The following ZNF438 variants were observed in gnomAD, a reference collection of about 807,000 sequenced individuals.
ZNF438 encodes the protein zinc finger protein 438.
In ZNF438, 25 loss-of-function variants were observed where a neutral mutation model predicts 38.0. The observed-to-expected ratio is 0.66, with a 90% CI of 0.48 to 0.92. The LOEUF (loss-of-function observed/expected upper bound fraction) is 0.92, where lower values mean the gene tolerates loss of function less well. Ranked by LOEUF, ZNF438 falls within the 40% of genes least tolerant of loss-of-function variation. The probability of loss-of-function intolerance (pLI) is 0.00; values close to 1 mark genes in which losing one functional copy is unlikely to be tolerated. For missense variants in ZNF438, 1,007 were observed against 999.6 expected, an observed-to-expected ratio of 1.01 and a Z score of -0.10; for synonymous variants, 372 against 364.1, an observed-to-expected ratio of 1.02 and a Z score of -0.25.
chr10:30,916,621 T>C (rs2043667397), intron 2 of ZNF438, among the ~76,000 whole-genome samples: 1 of 152,072 alleles, frequency 6.6e-6, no homozygotes, highest in Admixed American at 6.6e-5. Context: ...GTTATATTGG[T>C]TGGAATCATA....
In ZNF438 at chr10:30,983,048, T is replaced by C. The variant is rs144111576; in HGVS notation, c.-191-41397A>G. ...AACCCCAAACCACTGAGTCACATTA[T>C]TGGACTTTTTTCTCTAAACAATACA... On this transcript the variant is annotated intron_variant, in intron 1 of 5. Coordinates refer to ENST00000413025, the Ensembl canonical transcript of ZNF438. Among the ~76,000 whole-genome samples the C allele has an allele frequency of 2.1e-3, 323 of 152,286 alleles. 1 individual carries two copies. The highest frequency in any genetic ancestry group is 7.0e-3 in the African/African-American group (291 of 41,562).
intron 1 of ZNF438, among the ~76,000 whole-genome samples, chr10:30,952,459 C>T (rs1302888397): frequency 1.3e-5 from 2 of 151,988 alleles, no homozygotes; most frequent in African/African-American, 2.4e-5. Flanking sequence ...TCAGAGTGAA[C>T]AGGCAACCTA....
intron 1 of ZNF438, among the ~76,000 whole-genome samples, chr10:31,027,116 T>C (rs920518558): frequency 8.6e-5 from 13 of 151,102 alleles, no homozygotes; most frequent in African/African-American, 3.2e-4. Context: ...GGGGAAGGGA[T>C]AGCATTAGGA....
chr10:30,953,123 A>G (rs999650608), intron 1 of ZNF438, among the ~76,000 whole-genome samples: 20 of 142,386 alleles, frequency 1.4e-4, no homozygotes, highest in Non-Finnish European at 2.6e-4. Context: ...GAAATTGGAA[A>G]TCATCATTCT....
At chr10:30,911,154 C>CA (rs1286877064) in intron 2 of ZNF438, among the ~76,000 whole-genome samples, 1 of 151,854 alleles carries the variant, frequency 6.6e-6, no homozygotes, top group African/African-American at 2.4e-5. Context: ...GTAAGGTTTA[C>CA]AAAAAAATAT....
At chr10:31,028,185 C>G (rs1399092496) in intron 1 of ZNF438, among the ~76,000 whole-genome samples, 1 of 151,858 alleles carries the variant, frequency 6.6e-6, no homozygotes, top group African/African-American at 2.4e-5. Context: ...AGCAAAGAAA[C>G]TCAAACTTAT....
At chr10:31,023,737 T>C (rs151178286) in intron 1 of ZNF438, among the ~76,000 whole-genome samples, 1 of 152,338 alleles carries the variant, frequency 6.6e-6, no homozygotes, top group African/African-American at 2.4e-5. Flanking sequence ...ACTCAACCTT[T>C]CCACTTAAGC....
intron 1 of ZNF438, among the ~76,000 whole-genome samples, chr10:31,030,863 T>A (rs1256163901): frequency 6.6e-6 from 1 of 152,196 alleles, no homozygotes; most frequent in Non-Finnish European, 1.5e-5. Context: ...ATTCAAGCAG[T>A]CAGATACGAT....
chr10:30,903,027 C>CT (rs1351272400), intron 3 of ZNF438, among the ~76,000 whole-genome samples: 127 of 152,318 alleles, frequency 8.3e-4, no homozygotes, highest in African/African-American at 2.9e-3. Context: ...CCCTCCGCAG[C>CT]TGCTGGCCCA....
At chr10:31,010,593 A>C (rs576152189) in intron 1 of ZNF438, among the ~76,000 whole-genome samples, 1 of 152,294 alleles carries the variant, frequency 6.6e-6, no homozygotes, top group South Asian at 2.1e-4. Flanking sequence ...AGGGTCATTA[A>C]AAAAATTTGT....
At chr10:30,857,868 A>G (rs1318306728) in intron 4 of ZNF438, 1 of 798,650 alleles carries the variant, frequency 1.3e-6, no homozygotes, top group East Asian at 3.1e-5. Context: ...CAGCTTTATT[A>G]AACTGTTTCA....
At chr10:30,931,189 G>A (rs917362651) in intron 2 of ZNF438, among the ~76,000 whole-genome samples, 1 of 152,154 alleles carries the variant, frequency 6.6e-6, no homozygotes, top group Admixed American at 6.5e-5. Context: ...TTGCTAAATT[G>A]GATGGACAAC....
chr10:30,951,957 A>G (rs1326313293), intron 1 of ZNF438, among the ~76,000 whole-genome samples: 1 of 151,452 alleles, frequency 6.6e-6, no homozygotes, highest in Non-Finnish European at 1.5e-5. Context: ...ATCCTAAGCC[A>G]AAAGAACAAA....
intron 3 of ZNF438, among the ~76,000 whole-genome samples, chr10:30,889,689 A>G (rs2040433729): frequency 6.6e-6 from 1 of 152,178 alleles, no homozygotes; most frequent in African/African-American, 2.4e-5. Context: ...TATAGGTGTG[A>G]GCCACCGTGT....
At chr10:30,948,635 G>C (rs1178525717) in intron 1 of ZNF438, among the ~76,000 whole-genome samples, 2 of 151,004 alleles carry the variant, frequency 1.3e-5, no homozygotes, top group African/African-American at 2.4e-5. Context: ...CGATCAACTG[G>C]AAGAAAGGGT....
rs561160636 is a variant in ZNF438, at chr10:31,014,388, C to T, written c.-192+17445G>A. Among the ~76,000 whole-genome samples the T allele has an allele frequency of 3.5e-3, 526 of 152,300 alleles. 4 individuals carry two copies. Among genetic ancestry groups the T allele is most frequent in the African/African-American group, 0.011 (469 of 41,554 alleles). ...CTGGGCTTGCAGACAGCCACCTTAC[C>T]ACTGTGTCCTCATATGGCAGCGGAA... On this transcript the variant is annotated intron_variant, in intron 1 of 5. Transcript: ENST00000413025.
At chr10:31,023,591 A>T (rs779022040) in intron 1 of ZNF438, among the ~76,000 whole-genome samples, 1 of 152,244 alleles carries the variant, frequency 6.6e-6, no homozygotes, top group Non-Finnish European at 1.5e-5. Context: ...TAACATCAAC[A>T]TGTTTGACAT....
rs139060127 is a variant in ZNF438 at position 31,030,171 on chromosome 10, G to T, written c.-192+1662C>A. Among the ~76,000 whole-genome samples the T allele has an allele frequency of 5.4e-3, 815 of 151,780 alleles. 6 individuals carry two copies. Among genetic ancestry groups the T allele is most frequent in the African/African-American group, 0.019 (782 of 41,354 alleles). On this transcript the variant is annotated intron_variant, in intron 1 of 5. Coordinates refer to ENST00000413025, the Ensembl canonical transcript of ZNF438. ...TCCTCTCTGAAATGTTCTTACCTCA[G>T]GCTCTTTCCCTCACACTTCAAGTGT...
chr10:30,924,210 T>C (rs1047761825), intron 2 of ZNF438, among the ~76,000 whole-genome samples: 2 of 152,196 alleles, frequency 1.3e-5, no homozygotes, highest in South Asian at 2.1e-4. Context: ...TAGGTCCTGA[T>C]GTTGCACTGC....
Sources: gnomAD v4.1 joint callset for allele counts (sites outside exome capture counted in the v4.1 genomes callset) on GRCh38, gnomAD v4.1.1 for gene constraint, MANE v1.5 for transcripts, NCBI Gene and HGNC (gene_info 2026-07-23, HGNC 2026-07-21) for gene names.